Variants in PKHD1 observed in about 807,000 individuals in gnomAD.
PKHD1 encodes fibrocystin.
In PKHD1, 291 loss-of-function variants were observed where a neutral mutation model predicts 412.0. That is an observed-to-expected ratio of 0.71 (90% CI 0.64 to 0.78). The LOEUF (loss-of-function observed/expected upper bound fraction) is 0.78, where lower values mean the gene tolerates loss of function less well. Ranked by LOEUF, PKHD1 falls within the 30% of genes least tolerant of loss-of-function variation. The pLI, the probability that PKHD1 is intolerant of heterozygous loss-of-function variation, is 0.00. For synonymous variants in PKHD1, 1,777 were observed against 1,821.5 expected, an observed-to-expected ratio of 0.98 and a Z score of 0.62; for missense variants, 4,825 against 4,950.7, an observed-to-expected ratio of 0.97 and a Z score of 0.76.
chr6:51,857,211 CAA>C (rs66714286), intron 48 of PKHD1, among the ~76,000 whole-genome samples: 109 of 145,070 alleles, frequency 7.5e-4, no homozygotes, highest in Non-Finnish European at 8.5e-4. Flanking sequence ...AAGCAAAATC[CAA>C]AAAAAAAAAA....
chr6:51,630,108 C>A (rs967864848), intron 65 of PKHD1, among the ~76,000 whole-genome samples: 2 of 152,098 alleles, frequency 1.3e-5, no homozygotes, highest in Non-Finnish European at 2.9e-5. Flanking sequence ...GATAAAAGCT[C>A]CATTCAAAGT....
chr6:52,004,443 T>G (rs1798811158), intron 35 of PKHD1, among the ~76,000 whole-genome samples: 1 of 152,222 alleles, frequency 6.6e-6, no homozygotes, highest in South Asian at 2.1e-4. Context: ...TGTTTTAAAG[T>G]CCGTATCTAG....
intron 60 of PKHD1, among the ~76,000 whole-genome samples, chr6:51,661,110 A>T (rs1772786390): frequency 6.6e-6 from 1 of 152,148 alleles, no homozygotes; most frequent in Non-Finnish European, 1.5e-5. Flanking sequence ...TGTTTCTGTC[A>T]CTTAGGGAAT....
In PKHD1 at chr6:52,075,103, C is replaced by G. The variant is rs149594869; in HGVS notation, c.448+1173G>C. 2.6e-4 allele frequency among the ~76,000 whole-genome samples: 39 copies of G among 152,348 alleles called. 2 individuals are homozygous for G. In the East Asian group the frequency reaches 7.5e-3, roughly 29 times the overall value. On this transcript the variant is annotated intron_variant, in intron 6 of 66. Transcript: ENST00000371117. ...CCCACATGTCTGCATGTGATTTTCACAGACCACATCCCTCTTTCATAAAAT... is the reference window on the plus strand; with the variant it reads ...CCCACATGTCTGCATGTGATTTTCAGAGACCACATCCCTCTTTCATAAAAT...
intron 33 of PKHD1, among the ~76,000 whole-genome samples, chr6:52,020,016 T>C (rs1300139614): frequency 2.6e-5 from 4 of 152,070 alleles, no homozygotes; most frequent in Admixed American, 2.6e-4. Flanking sequence ...ATTAAGAACG[T>C]TTGAGTTCAG....
In PKHD1 at chr6:51,618,159, C is replaced by CT. The variant is rs754683164; in HGVS notation, c.*921dup. On this transcript the variant is annotated 3_prime_UTR_variant, in exon 67 of 67. Coordinates refer to ENST00000371117, the MANE Select transcript of PKHD1 (RefSeq NM_138694.4). ...TCTCCATTTAAACCCCCTGCACAGC[C>CT]TAGAGCAGTTGCATATGACATAATC... The CT allele has an allele frequency of 6.6e-6, 1 of 152,178 alleles. No homozygotes were observed. Among genetic ancestry groups the CT allele is most frequent in the Non-Finnish European group, 1.5e-5 (1 of 68,048 alleles). 9.4% of individuals were successfully genotyped at this position (152,178 alleles called of 1,614,324 possible). A position where few individuals can be genotyped will look rare whatever the true frequency, so the allele number is the denominator to read the frequency against.
chr6:51,836,220 A>G (rs995746727), intron 51 of PKHD1, among the ~76,000 whole-genome samples, 184 bp downstream of exon 51: 1 of 152,200 alleles, frequency 6.6e-6, no homozygotes, highest in African/African-American at 2.4e-5. Context: ...CCACCTTTAT[A>G]TCCTTTTTTG....
intron 55 of PKHD1, among the ~76,000 whole-genome samples, chr6:51,766,615 A>ATATTTTTTTTTTTTTTTTTT (rs1789068572): frequency 2.7e-5 from 4 of 150,932 alleles, no homozygotes; most frequent in African/African-American, 9.7e-5. Context: ...TGGTGTATTC[A>ATATTTTTTTTTTTTTTTTTT]TATTTTTATT....
At chr6:51,847,687 A>T in intron 50 of PKHD1, 88 bp downstream of exon 50, 3 of 964,094 alleles carry the variant, frequency 3.1e-6, no homozygotes, top group Non-Finnish European at 5.0e-6. Flanking sequence ...GTTCCTCAGC[A>T]CTTCACAGCA....
intron 23 of PKHD1, among the ~76,000 whole-genome samples, chr6:52,048,206 A>T (rs1187658280): frequency 6.6e-6 from 1 of 152,222 alleles, no homozygotes; most frequent in East Asian, 1.9e-4. Flanking sequence ...GTTTGAAGCC[A>T]CCAAGTTTGT....
Position 51,618,728 on chromosome 6 carries a change from G to C in PKHD1, c.*353C>G. The C allele has an allele frequency of 2.8e-6, 1 of 354,238 alleles. No homozygotes were observed. The allele number at this position is 354,238 out of a possible 1,614,324, so 21.9% of individuals were successfully genotyped here. ...ATAAAAGAAGCTCAAAGCATTGTGG[G>C]TGGTCAATCCAGAGAATGCTTAATA... On this transcript the variant is annotated 3_prime_UTR_variant, in exon 67 of 67. Transcript: ENST00000371117.
chr6:51,993,880 A>G (rs1797354393), intron 35 of PKHD1, among the ~76,000 whole-genome samples: 1 of 152,236 alleles, frequency 6.6e-6, no homozygotes, highest in African/African-American at 2.4e-5. Flanking sequence ...AGACAGTGTC[A>G]AAGTGGAAAG....
intron 37 of PKHD1, among the ~76,000 whole-genome samples, chr6:51,914,311 T>C (rs1783443299): frequency 6.6e-6 from 1 of 152,112 alleles, no homozygotes; most frequent in South Asian, 2.1e-4. Flanking sequence ...ACAAAAAAGT[T>C]ACATCTTTGT....
At chr6:51,954,132 G>A (rs1345451244) in intron 36 of PKHD1, among the ~76,000 whole-genome samples, 1 of 152,006 alleles carries the variant, frequency 6.6e-6, no homozygotes, top group African/African-American at 2.4e-5. Flanking sequence ...CAGTCCAAAA[G>A]TAACAAAAAC....
At position 51,944,405 on chromosome 6, in the gene PKHD1, C is replaced by CT. The variant is rs576014614; in HGVS notation, c.5909-10084dup. ...GCTCACACAAAGCCTGTTTGGTGGT[C>CT]TCTTCGCATGGATGCGAGTGAAAAA... On this transcript the variant is annotated intron_variant, in intron 36 of 66. Coordinates refer to ENST00000371117, the MANE Select transcript of PKHD1 (RefSeq NM_138694.4). Among the ~76,000 whole-genome samples the CT allele has an allele frequency of 2.8e-4, 43 of 152,322 alleles. No individual in the cohort carries two copies. The South Asian group carries it at 7.9e-3, about 28-fold the overall frequency.
intron 46 of PKHD1, 89 bp downstream of exon 46, chr6:51,883,004 A>C: frequency 1.0e-6 from 1 of 973,732 alleles, no homozygotes; most frequent in Non-Finnish European, 1.6e-6. Context: ...GAATGCTATT[A>C]AAATTGCATA....
At position 51,850,422 on chromosome 6, in the gene PKHD1, C is replaced by G. The variant is rs577036421; in HGVS notation, c.7912-2452G>C. On this transcript the variant is annotated intron_variant, in intron 49 of 66. Transcript: ENST00000371117. The stretch of plus-strand genomic sequence containing the variant: ...AAATTTAAAATGTTTTTTTCTAATT[C>G]TGTGAAGAATGTCAGTGGTAGTTTG... 2.0e-5 allele frequency among the ~76,000 whole-genome samples: 3 copies of G among 152,270 alleles called. No homozygotes were observed. In the East Asian group the frequency reaches 5.8e-4, roughly 29 times the overall value.
At chr6:51,772,921 A>G in intron 54 of PKHD1, 132 bp from the exon 55 acceptor site, 1 of 675,746 alleles carries the variant, frequency 1.5e-6, no homozygotes. Flanking sequence ...GTCCCATATT[A>G]TCAAAAGCAT....
chr6:51,635,539 T>C (rs1157385839), intron 64 of PKHD1, among the ~76,000 whole-genome samples: 1 of 152,140 alleles, frequency 6.6e-6, no homozygotes, highest in African/African-American at 2.4e-5. Context: ...TCTGTCCCTT[T>C]GGAACTTTGG....
Sources: gnomAD v4.1 joint callset for allele counts (sites outside exome capture counted in the v4.1 genomes callset) on GRCh38, gnomAD v4.1.1 for gene constraint, MANE v1.5 for transcripts, NCBI Gene and HGNC (gene_info 2026-07-23, HGNC 2026-07-21) for gene names.